Variants in RBM17 observed in about 807,000 individuals in gnomAD.
RBM17 encodes the protein splicing factor 45.
Under a neutral mutation model 53.2 loss-of-function variants are expected in RBM17, and 7 were observed. The observed-to-expected ratio is 0.13, with a 90% confidence interval of 0.07 to 0.25. RBM17 has a LOEUF of 0.25. RBM17 is among the 10% of genes least tolerant of loss of function. The pLI is 1.00. For synonymous variants in RBM17, 167 were observed against 178.1 expected (o/e 0.94, Z 0.50); for missense variants, 257 against 496.7 (o/e 0.52, Z 4.59).
At chr10:6,091,286 T>G (rs1210243137) in intron 1 of RBM17, among the ~76,000 whole-genome samples, 3 of 152,092 alleles carry the variant, frequency 2.0e-5, no homozygotes, top group Non-Finnish European at 1.5e-5. Context: ...CTCGAACTCC[T>G]GATCTCAAGT....
Position 6,105,125 on chromosome 10 carries a change from T to C in RBM17, c.407+28T>C, listed in dbSNP as rs140603221. ...AAGGCTTCCTTTGGATTTGGGGATA[T>C]TTTACAGTTGAAATGTTCATTAAAA... On this transcript the variant is annotated intron_variant, in intron 4 of 11. Coordinates refer to ENST00000379888, the MANE Select transcript of RBM17 (RefSeq NM_032905.5). 1.4e-4 allele frequency: 223 copies of C among 1,603,972 alleles called. 1 individual carries two copies. The highest frequency in any genetic ancestry group is 9.9e-4 in the Middle Eastern group (6 of 6,032).
intron 2 of RBM17, among the ~76,000 whole-genome samples, chr10:6,098,304 A>G (rs1248488728): frequency 6.6e-6 from 1 of 152,134 alleles, no homozygotes; most frequent in African/African-American, 2.4e-5. Flanking sequence ...AATTTAGTCA[A>G]AGGCTCCTTG....
chr10:6,114,944 G>T, intron 10 of RBM17: 1 of 338,092 alleles, frequency 3.0e-6, no homozygotes, highest in Non-Finnish European at 5.3e-6. Context: ...TTATCCTGTT[G>T]CTGTTTGTTG....
chr10:6,101,909 AAAC>A (rs1041324686), intron 3 of RBM17, among the ~76,000 whole-genome samples: 10 of 152,216 alleles, frequency 6.6e-5, no homozygotes, highest in African/African-American at 2.4e-4. Context: ...AGGGGTTTTA[AAAC>A]CCACTTCTAC....
At chr10:6,095,187 G>T (rs1254622820) in intron 1 of RBM17, among the ~76,000 whole-genome samples, 1 of 152,038 alleles carries the variant, frequency 6.6e-6, no homozygotes, top group East Asian at 1.9e-4. Context: ...AGGAGAGTCT[G>T]TCTGCATCCC....
At chr10:6,093,038 A>G (rs1229626421) in intron 1 of RBM17, among the ~76,000 whole-genome samples, 2 of 152,166 alleles carry the variant, frequency 1.3e-5, no homozygotes, top group Non-Finnish European at 2.9e-5. Context: ...TATTGAATCT[A>G]TTGATGGAAG....
At chr10:6,092,495 A>G (rs1588341576) in intron 1 of RBM17, among the ~76,000 whole-genome samples, 1 of 152,238 alleles carries the variant, frequency 6.6e-6, no homozygotes, top group African/African-American at 2.4e-5. Flanking sequence ...GGAAATAATG[A>G]GAAGAGGATT....
At chr10:6,093,733 C>G (rs190517077) in intron 1 of RBM17, among the ~76,000 whole-genome samples, 1 of 152,200 alleles carries the variant, frequency 6.6e-6, no homozygotes, top group African/African-American at 2.4e-5. Flanking sequence ...ATGCTTGGGA[C>G]CAGAAGTGTT....
In RBM17 at chr10:6,104,987, A is replaced by G. The variant is rs144792859; in HGVS notation, c.297A>G (p.Glu99=). ...AGEVLIPLAD[E]YDPMFPNDYE... ...AAGTTCTGATTCCCTTAGCTGACGA[A>G]TATGACCCTATGTTTCCTAATGATT... is the stretch of plus-strand genomic sequence containing the variant. Residue 99 remains glutamate (E), a synonymous_variant, in exon 4 of 12, where the codon GAA becomes GAG. Coordinates refer to ENST00000379888, the MANE Select transcript of RBM17 (RefSeq NM_032905.5). The G allele has an allele frequency of 9.9e-5, 159 of 1,613,940 alleles. No individual in the cohort carries two copies. The highest frequency in any genetic ancestry group is 1.6e-4 in the Middle Eastern group (1 of 6,082).
At chr10:6,093,985 T>C (rs1004187856) in intron 1 of RBM17, among the ~76,000 whole-genome samples, 1 of 146,660 alleles carries the variant, frequency 6.8e-6, no homozygotes, top group African/African-American at 2.6e-5. Context: ...TTTTTTTTTT[T>C]TTTTTTTGAG....
chr10:6,102,834 T>C (rs1307816905), intron 3 of RBM17, among the ~76,000 whole-genome samples: 1 of 152,220 alleles, frequency 6.6e-6, no homozygotes. Flanking sequence ...AGGGTCTTGC[T>C]CTGTCACCAC....
intron 1 of RBM17, among the ~76,000 whole-genome samples, chr10:6,091,422 G>C (rs1333438420): frequency 3.9e-5 from 6 of 152,110 alleles, no homozygotes; most frequent in Admixed American, 1.3e-4. Flanking sequence ...TATCTGTTTA[G>C]TGATAGAAAT....
chr10:6,113,858 C>G, intron 9 of RBM17, 191 bp from the exon 10 acceptor site: 1 of 587,394 alleles, frequency 1.7e-6, no homozygotes, highest in Non-Finnish European at 3.0e-6. Context: ...GCTTTTGTAA[C>G]TCTTTACAGG....
chr10:6,101,521 T>A lies in RBM17; in HGVS notation c.240+134T>A, dbSNP rs1840669647. Reference sequence around the variant, plus strand: ...CAAGTTAGTATCATTTTCCACCTAATTTTTACTTCTGTTTTGCCAATTTTA... The same window carrying A: ...CAAGTTAGTATCATTTTCCACCTAAATTTTACTTCTGTTTTGCCAATTTTA... On this transcript the variant is annotated intron_variant, in intron 3 of 11. Coordinates refer to ENST00000379888, the MANE Select transcript of RBM17 (RefSeq NM_032905.5). 12 of 443,720 alleles carry A rather than the reference T, an allele frequency of 2.7e-5. 1 individual carries two copies. The highest frequency in any genetic ancestry group is 7.1e-4 in the Middle Eastern group (2 of 2,820). The allele number at this position is 443,720 out of a possible 1,614,324, so 27.5% of individuals were successfully genotyped here.
At chr10:6,091,118 G>A (rs1181875709) in intron 1 of RBM17, among the ~76,000 whole-genome samples, 4 of 150,810 alleles carry the variant, frequency 2.7e-5, no homozygotes, top group South Asian at 2.1e-4. Flanking sequence ...GGAGTGCAGC[G>A]GTGTAAGTCG....
At position 6,115,255 on chromosome 10, in the gene RBM17, A is replaced by G; in HGVS notation, c.1046A>G (p.Asp349Gly). The G allele has an allele frequency of 6.2e-7, 1 of 1,613,550 alleles. No individual in the cohort carries two copies. The highest frequency in any genetic ancestry group is 8.5e-7 in the Non-Finnish European group (1 of 1,179,756). Residue 349 changes from aspartate (D) to glycine (G), a missense_variant, in exon 11 of 12, where the codon GAT becomes GGT. This residue lies in a region of RBM17 where 49 missense variants were observed against 114.8 expected (regional missense o/e 0.43). Coordinates refer to ENST00000379888, the MANE Select transcript of RBM17 (RefSeq NM_032905.5). ...TTCTTCCAGATTCCTGGTGCCCCTG[A>G]TGATGAAGCAGTACGGATATTTTTA... ...CVIFEIPGAPDDEAVRIFLEF... is the reference protein window; with the variant it reads ...CVIFEIPGAPGDEAVRIFLEF...
intron 7 of RBM17, among the ~76,000 whole-genome samples, chr10:6,111,489 A>G (rs1317840504): frequency 6.6e-6 from 1 of 152,166 alleles, no homozygotes; most frequent in African/African-American, 2.4e-5. Context: ...ACAGGTGCAC[A>G]CCATCATGCC....
At chr10:6,091,021 TTATATATA>T (rs1394973556) in intron 1 of RBM17, among the ~76,000 whole-genome samples, 64 of 123,736 alleles carry the variant, frequency 5.2e-4, no homozygotes, top group African/African-American at 1.7e-3. Context: ...ATTTATATAT[TTATATATA>T]TTTATATATT....
intron 7 of RBM17, among the ~76,000 whole-genome samples, chr10:6,111,638 C>A (rs1297927649): frequency 6.6e-6 from 1 of 152,208 alleles, no homozygotes; most frequent in Admixed American, 6.5e-5. Context: ...CTGCACCCAG[C>A]CTGTACAAAT....
Sources: allele counts gnomAD v4.1 joint callset (sites outside exome capture counted in the v4.1 genomes callset), GRCh38; gene constraint gnomAD v4.1.1; regional missense constraint gnomAD v4.1.1; transcripts MANE v1.5; gene names NCBI Gene and HGNC (gene_info 2026-07-23, HGNC 2026-07-21).